XPO6: variants seen among roughly 807,000 people sequenced by gnomAD.
XPO6 encodes exportin-6.
A neutral mutation model predicts 130.0 loss-of-function variants in XPO6; 3 were observed. That is an observed-to-expected ratio of 0.02 (90% CI 0.01 to 0.06). The LOEUF is 0.06. Ranked by LOEUF, XPO6 falls within the 10% of genes least tolerant of loss-of-function variation. The pLI, the probability that XPO6 is intolerant of heterozygous loss-of-function variation, is 1.00. For missense variants in XPO6, 970 were observed against 1,393.0 expected (o/e 0.70, Z 4.83); for synonymous variants, 524 against 548.9 (o/e 0.95, Z 0.63).
chr16:28,175,249 A>C (rs1596934212), intron 4 of XPO6, among the ~76,000 whole-genome samples: 1 of 150,844 alleles, frequency 6.6e-6, no homozygotes, highest in African/African-American at 2.4e-5. Flanking sequence ...GATCCTCTAC[A>C]CCCTGCCTCT....
At chr16:28,162,826 G>A (rs776014390) in intron 6 of XPO6, among the ~76,000 whole-genome samples, 1 of 152,136 alleles carries the variant, frequency 6.6e-6, no homozygotes, top group Non-Finnish European at 1.5e-5. Flanking sequence ...AAAGTGCTGG[G>A]ATTTACAGGC....
At chr16:28,154,106 T>C (rs1296249966) in intron 7 of XPO6, 5 of 985,328 alleles carry the variant, frequency 5.1e-6, no homozygotes, top group Non-Finnish European at 6.0e-6. Context: ...AAGACACTTC[T>C]CTCTGGTGTC....
At chr16:28,146,269 A>C in intron 8 of XPO6, 66 bp from the exon 9 acceptor site, 1 of 1,147,030 alleles carries the variant, frequency 8.7e-7, no homozygotes, top group Non-Finnish European at 1.3e-6. Context: ...AAACACACAC[A>C]TGCCAGTGTT....
chr16:28,115,583 A>C (rs2087035004), intron 15 of XPO6, among the ~76,000 whole-genome samples: 3 of 152,238 alleles, frequency 2.0e-5, no homozygotes, highest in Non-Finnish European at 4.4e-5. Context: ...AAGTAGATTC[A>C]GCATAATTCC....
intron 15 of XPO6, among the ~76,000 whole-genome samples, chr16:28,113,462 G>A (rs1434600379): frequency 6.6e-6 from 1 of 152,132 alleles, no homozygotes; most frequent in Non-Finnish European, 1.5e-5. Context: ...TAACACTCAG[G>A]CCAGTCTCTC....
In XPO6 at chr16:28,111,806, G is replaced by C. The variant is rs745315529; in HGVS notation, c.2341+11C>G. ...TCCTTCCCCAGCTGTCCTAGCCTAGGGGTCACTTACTGTCATCCAGTGGCA... is the reference window on the plus strand; with the variant it reads ...TCCTTCCCCAGCTGTCCTAGCCTAGCGGTCACTTACTGTCATCCAGTGGCA... On this transcript the variant is annotated intron_variant, in intron 17 of 23. Transcript: ENST00000304658. The C allele has an allele frequency of 6.2e-7, 1 of 1,613,556 alleles. No individual in the cohort carries two copies. The highest frequency in any genetic ancestry group is 8.5e-7 in the Non-Finnish European group (1 of 1,179,630).
chr16:28,110,059 A>G (rs1237319306), intron 17 of XPO6, among the ~76,000 whole-genome samples: 1 of 151,598 alleles, frequency 6.6e-6, no homozygotes. Context: ...TTTTTTTTTC[A>G]AAGTATAAAG....
At chr16:28,185,361 T>TA (rs1271848690) in intron 1 of XPO6, among the ~76,000 whole-genome samples, 2 of 151,190 alleles carry the variant, frequency 1.3e-5, no homozygotes, top group African/African-American at 4.9e-5. Flanking sequence ...CCTTGCCTCT[T>TA]AAAAAATAAT....
At chr16:28,181,072 T>C (rs779446129) in intron 1 of XPO6, 41 bp from the exon 2 acceptor site, 6 of 1,468,270 alleles carry the variant, frequency 4.1e-6, no homozygotes, top group Middle Eastern at 3.5e-4. Flanking sequence ...AGCTGCATCT[T>C]CAGTTCCACT....
intron 1 of XPO6, among the ~76,000 whole-genome samples, chr16:28,209,394 C>T (rs1231183261): frequency 6.6e-6 from 1 of 152,100 alleles, no homozygotes; most frequent in Middle Eastern, 3.2e-3. Flanking sequence ...AATCTCAGCA[C>T]TTTGGGAGGC....
chr16:28,184,014 C>T (rs997218874), intron 1 of XPO6, among the ~76,000 whole-genome samples: 1 of 152,142 alleles, frequency 6.6e-6, no homozygotes, highest in African/African-American at 2.4e-5. Flanking sequence ...CCACCGGAAC[C>T]TTGGCCAGCT....
At chr16:28,147,451 A>AG (rs2043004793) in intron 8 of XPO6, among the ~76,000 whole-genome samples, 1 of 151,394 alleles carries the variant, frequency 6.6e-6, no homozygotes, top group Non-Finnish European at 1.5e-5. Context: ...AAGAAAGAAA[A>AG]AAGAAAAGAG....
chr16:28,193,684 G>A (rs962718674), intron 1 of XPO6, among the ~76,000 whole-genome samples: 3 of 152,022 alleles, frequency 2.0e-5, no homozygotes, highest in South Asian at 2.1e-4. Flanking sequence ...ACAGGTACTC[G>A]GCCAATAACC....
At chr16:28,167,062 T>C (rs2043368532) in intron 5 of XPO6, 1 of 897,750 alleles carries the variant, frequency 1.1e-6, no homozygotes, top group East Asian at 1.2e-4. Context: ...CTGACTGACC[T>C]GCTTCTCCTC....
intron 2 of XPO6, among the ~76,000 whole-genome samples, chr16:28,180,562 T>C (rs936706543): frequency 3.3e-5 from 5 of 152,064 alleles, no homozygotes; most frequent in African/African-American, 1.2e-4. Flanking sequence ...CCAGGTGCAG[T>C]GGCTCCCGCT....
At chr16:28,179,828 T>C (rs1358413967) in intron 2 of XPO6, among the ~76,000 whole-genome samples, 1 of 152,148 alleles carries the variant, frequency 6.6e-6, no homozygotes, top group Non-Finnish European at 1.5e-5. Context: ...ACAAGCCTAC[T>C]GTATAGAAAC....
chr16:28,208,174 A>T (rs2044063829), intron 1 of XPO6, among the ~76,000 whole-genome samples: 1 of 152,180 alleles, frequency 6.6e-6, no homozygotes, highest in Non-Finnish European at 1.5e-5. Flanking sequence ...ACAAGTAATG[A>T]GTGAAGAATA....
chr16:28,132,357 T>G lies in XPO6; in HGVS notation c.1583A>C (p.Gln528Pro). Residue 528 changes from glutamine (Q) to proline (P), a missense_variant, in exon 12 of 24, where the codon CAG becomes CCG. Gln to Pro is a moderately conservative substitution (Grantham distance 76, BLOSUM62 -1). This residue lies in a region of XPO6 where 936 missense variants were observed against 1,306.8 expected (regional missense o/e 0.72). Coordinates refer to ENST00000304658, the MANE Select transcript of XPO6 (RefSeq NM_015171.4). This position sits in a 1 kb window ranked among gnomAD's most constrained non-coding sequence, Gnocchi z 4.0. ...ACCTGACCCTGAAGTGACTATAAAC[T>G]GTTGTAATCCCAAATAAACTTCTAA... ...DNLEVYLGLQ[Q>P]FIVTSGSGHR... 3.1e-6 allele frequency: 5 copies of G among 1,609,248 alleles called. No homozygotes were observed. Among genetic ancestry groups the G allele is most frequent in the Non-Finnish European group, 4.2e-6 (5 of 1,178,006 alleles).
At chr16:28,131,915 G>C (rs1391663329) in intron 12 of XPO6, among the ~76,000 whole-genome samples, 2 of 152,216 alleles carry the variant, frequency 1.3e-5, no homozygotes, top group East Asian at 3.8e-4. Context: ...GGGGCCATTT[G>C]CAACAGGTGC....
Sources: gnomAD v4.1 joint callset for allele counts (sites outside exome capture counted in the v4.1 genomes callset) on GRCh38, gnomAD v4.1.1 for gene constraint, gnomAD v4.1.1 regional missense constraint, Gnocchi (gnomAD v3.1) non-coding constraint, MANE v1.5 for transcripts, NCBI Gene and HGNC (gene_info 2026-07-23, HGNC 2026-07-21) for gene names.